The following KRT8 variants were observed in gnomAD, a reference collection of about 807,000 sequenced individuals.
KRT8 encodes the protein keratin 8, also known as keratin, type II cytoskeletal 8.
KRT8 carries 24 observed loss-of-function variants against 43.0 expected under a neutral mutation model. That is an observed-to-expected ratio of 0.56 (90% CI 0.40 to 0.78). The LOEUF (loss-of-function observed/expected upper bound fraction) is 0.78. KRT8 is among the 30% of genes least tolerant of loss of function. The pLI is 0.00. For missense variants in KRT8, 492 were observed against 638.4 expected, an observed-to-expected ratio of 0.77 and a Z score of 2.47; for synonymous variants, 214 against 261.2, an observed-to-expected ratio of 0.82 and a Z score of 1.74.
intron 2 of KRT8, chr12:52,901,657 T>C: frequency 4.9e-6 from 3 of 606,754 alleles, no homozygotes; most frequent in East Asian, 2.8e-5. Context: ...ACAGTTGAGA[T>C]TGAAAGGGGG....
intron 2 of KRT8, among the ~76,000 whole-genome samples, chr12:52,920,280 T>C (rs2120656897): frequency 6.6e-6 from 1 of 152,288 alleles, no homozygotes; most frequent in Non-Finnish European, 1.5e-5. Context: ...TCTGGCAGAC[T>C]TGGGGGACCT....
At chr12:52,908,071 A>G (rs931485584), upstream of KRT8, among the ~76,000 whole-genome samples, 1 of 152,208 alleles carries the variant, frequency 6.6e-6, no homozygotes, top group African/African-American at 2.4e-5. Context: ...CCTGTGGGCC[A>G]AGAGTGAGGG....
chr12:52,915,237 G>C (rs959340249), intron 2 of KRT8, among the ~76,000 whole-genome samples: 1 of 152,038 alleles, frequency 6.6e-6, no homozygotes, highest in African/African-American at 2.4e-5. Context: ...GCCGGGCGAG[G>C]TGGCGGGCAC....
At chr12:52,899,111 G>A (rs897535198) in intron 5 of KRT8, 17 of 560,436 alleles carry the variant, frequency 3.0e-5, no homozygotes, top group Admixed American at 2.8e-4. Context: ...TCAGGAGATC[G>A]AGGCCATCCT....
chr12:52,938,060 A>C (rs1214832132), intron 2 of KRT8, among the ~76,000 whole-genome samples: 1 of 145,322 alleles, frequency 6.9e-6, no homozygotes, highest in Non-Finnish European at 1.5e-5. Flanking sequence ...AGCACATGAA[A>C]AGATGCCCAA....
At chr12:52,937,893 G>C (rs919623976) in intron 2 of KRT8, among the ~76,000 whole-genome samples, 20 of 150,112 alleles carry the variant, frequency 1.3e-4, no homozygotes, top group African/African-American at 4.9e-4. Context: ...CCAGCTACTC[G>C]GGAGACTGAG....
At position 52,914,261 on chromosome 12, in the gene KRT8, G is replaced by T. The variant is rs189750709; in HGVS notation, c.-46-9234C>A. Reference sequence around the variant, plus strand: ...ACAAAACAAAAAAAAAATCCACCGGGTGCAGTGGCTCACGCCTGTAATCCC... The same window carrying T: ...ACAAAACAAAAAAAAAATCCACCGGTTGCAGTGGCTCACGCCTGTAATCCC... On this transcript the variant is annotated intron_variant, in intron 2 of 6. Transcript: ENST00000546826. Among the ~76,000 whole-genome samples, 112 of 151,570 alleles carry T rather than the reference G, an allele frequency of 7.4e-4. 1 individual carries two copies. The highest frequency in any genetic ancestry group is 1.6e-4 in the Non-Finnish European group (11 of 67,890).
intron 1 of KRT8, chr12:52,949,700 G>A (rs1942441470): frequency 9.8e-7 from 1 of 1,020,924 alleles, no homozygotes. Flanking sequence ...TCCACCGGGA[G>A]GGGGTTGGGC....
upstream of KRT8, among the ~76,000 whole-genome samples, chr12:52,911,434 TG>T (rs1367544180): frequency 1.3e-5 from 2 of 152,260 alleles, no homozygotes; most frequent in East Asian, 3.9e-4. Context: ...GGGCACATGC[TG>T]GGAAGACACT....
At chr12:52,903,002 ACT>A (rs1383667716) in intron 1 of KRT8, among the ~76,000 whole-genome samples, 1 of 152,020 alleles carries the variant, frequency 6.6e-6, no homozygotes, top group African/African-American at 2.4e-5. Context: ...ACAGAGTGAG[ACT>A]CTGTCTCAAA....
chr12:52,949,042 C>G, intron 2 of KRT8: 1 of 863,516 alleles, frequency 1.2e-6, no homozygotes, highest in South Asian at 1.5e-5. Flanking sequence ...ACCTGTGGCT[C>G]CGGCTTCCGA....
intron 1 of KRT8, 116 bp downstream of exon 1, chr12:52,904,542 C>CA: frequency 1.0e-6 from 1 of 973,230 alleles, no homozygotes; most frequent in Non-Finnish European, 1.6e-6. Context: ...AGAGTGTCGC[C>CA]AGGGCGGGTG....
chr12:52,922,232 G>A (rs1184164902), intron 2 of KRT8, among the ~76,000 whole-genome samples: 1 of 137,332 alleles, frequency 7.3e-6, no homozygotes, highest in Non-Finnish European at 1.6e-5. Flanking sequence ...TGTAGCAAAT[G>A]GGAGAGCCAG....
intron 2 of KRT8, among the ~76,000 whole-genome samples, chr12:52,937,458 C>T (rs1017653467): frequency 4.0e-5 from 6 of 151,216 alleles, no homozygotes; most frequent in Admixed American, 1.3e-4. Context: ...GAGGCTGAGG[C>T]GGGAGTATTG....
intron 1 of KRT8, chr12:52,949,678 C>CT (rs386376559): frequency 9.4e-7 from 1 of 1,063,042 alleles, no homozygotes; most frequent in African/African-American, 3.6e-5. Flanking sequence ...TCCATAACCA[C>CT]CCAACCCCTA....
At chr12:52,903,230 G>T (rs1418438371) in intron 1 of KRT8, among the ~76,000 whole-genome samples, 3 of 151,950 alleles carry the variant, frequency 2.0e-5, no homozygotes, top group African/African-American at 4.8e-5. Context: ...GTTTGAATAG[G>T]CAAAAACTTT....
intron 2 of KRT8, among the ~76,000 whole-genome samples, chr12:52,938,170 A>ATATATATATATATATATTTTT (rs1555189967): frequency 3.3e-5 from 1 of 30,322 alleles, no homozygotes; most frequent in African/African-American, 1.4e-4. Context: ...ATATATATAT[A>ATATATATATATATATATTTTT]TTTTTTTTTT....
At chr12:52,904,798 C>T in exon 1 of KRT8, 1 of 1,612,354 alleles carries the variant, frequency 6.2e-7, no homozygotes, top group Non-Finnish European at 8.5e-7. Flanking sequence ...GCGGTGATGC[C>T]TCCCATGCCG....
chr12:52,937,970 A>T (rs1202735487), intron 2 of KRT8, among the ~76,000 whole-genome samples: 1 of 148,198 alleles, frequency 6.7e-6, no homozygotes, highest in African/African-American at 2.5e-5. Context: ...ATTGCACTCC[A>T]GCCTGGGCAA....
Sources: gnomAD v4.1 joint callset for allele counts (sites outside exome capture counted in the v4.1 genomes callset) on GRCh38, gnomAD v4.1.1 for gene constraint, MANE v1.5 for transcripts, NCBI Gene and HGNC (gene_info 2026-07-23, HGNC 2026-07-21) for gene names.